POFUT3: variants seen among roughly 807,000 people sequenced by gnomAD.
POFUT3 encodes protein O-fucosyltransferase 3.
the POFUT3 span, chr8:33,372,809 A>C: frequency 6.2e-7 from 1 of 1,611,798 alleles, no homozygotes; most frequent in Non-Finnish European, 8.5e-7. Context: ...TAAGCCCTGC[A>C]GGAAGAGAAA....
chr8:33,318,524 T>C, the POFUT3 span, among the ~76,000 whole-genome samples: 1 of 123,256 alleles, frequency 8.1e-6, no homozygotes, highest in Non-Finnish European at 1.6e-5. Context: ...ATGATTATAA[T>C]AATCATAATA....
At chr8:33,361,469 T>A in the POFUT3 span, 1 of 152,226 alleles carries the variant, frequency 6.6e-6, no homozygotes, top group South Asian at 2.1e-4. Flanking sequence ...ATTTCATGTT[T>A]CAAATAGAGT....
the POFUT3 span, chr8:33,436,172 G>C: frequency 2.4e-6 from 3 of 1,236,134 alleles, no homozygotes; most frequent in Admixed American, 2.3e-5. Flanking sequence ...AAGGTCCACG[G>C]TTCCTAAGGG....
the POFUT3 span, among the ~76,000 whole-genome samples, chr8:33,328,190 G>A: frequency 3.3e-5 from 5 of 152,080 alleles, no homozygotes; most frequent in African/African-American, 1.2e-4. Flanking sequence ...CAGGCTGTCC[G>A]AGGAGGGGTG....
At chr8:33,432,752 C>T in the POFUT3 span, among the ~76,000 whole-genome samples, 1 of 152,054 alleles carries the variant, frequency 6.6e-6, no homozygotes, top group African/African-American at 2.4e-5. Flanking sequence ...AATGTGCAAC[C>T]AAATAGAAAT....
chr8:33,379,295 G>A, the POFUT3 span, among the ~76,000 whole-genome samples: 5 of 151,288 alleles, frequency 3.3e-5, no homozygotes, highest in African/African-American at 9.7e-5. Flanking sequence ...CCCAACCCAC[G>A]CACATTAACA....
the POFUT3 span, among the ~76,000 whole-genome samples, chr8:33,350,100 G>T: frequency 6.6e-6 from 1 of 152,086 alleles, no homozygotes; most frequent in East Asian, 1.9e-4. Flanking sequence ...CTTTGTTTGA[G>T]AATTGTCTAT....
At chr8:33,468,290 T>C in the POFUT3 span, among the ~76,000 whole-genome samples, 1 of 150,302 alleles carries the variant, frequency 6.7e-6, no homozygotes, top group Admixed American at 6.6e-5. Flanking sequence ...GTAGTTTGTG[T>C]GCCCCTCCTC....
chr8:33,315,455 G>A, the POFUT3 span, among the ~76,000 whole-genome samples: 8 of 152,142 alleles, frequency 5.3e-5, no homozygotes, highest in Admixed American at 2.0e-4. Context: ...GTAGTTCTTT[G>A]TGACATTATG....
chr8:33,344,909 T>C, the POFUT3 span, among the ~76,000 whole-genome samples: 3 of 152,238 alleles, frequency 2.0e-5, no homozygotes, highest in African/African-American at 7.2e-5. Flanking sequence ...TAATTTCATT[T>C]ATGGCTTGAT....
At chr8:33,429,533 T>C in the POFUT3 span, among the ~76,000 whole-genome samples, 7 of 152,048 alleles carry the variant, frequency 4.6e-5, no homozygotes, top group Admixed American at 2.0e-4. Flanking sequence ...ACAAAGAAGA[T>C]ATGTACTTTC....
the POFUT3 span, among the ~76,000 whole-genome samples, chr8:33,356,442 ATG>A: frequency 1.4e-4 from 21 of 151,492 alleles, 1 homozygote; most frequent in Non-Finnish European, 1.5e-5. Context: ...GCATTTTTTC[ATG>A]TGTTTTTTGG....
the POFUT3 span, chr8:33,389,262 A>G: frequency 1.2e-6 from 2 of 1,614,180 alleles, no homozygotes; most frequent in Non-Finnish European, 8.5e-7. Flanking sequence ...GATCCGTAAT[A>G]TACAGGGACT....
the POFUT3 span, among the ~76,000 whole-genome samples, chr8:33,323,932 T>C: frequency 2.0e-5 from 3 of 152,132 alleles, no homozygotes; most frequent in Non-Finnish European, 4.4e-5. Context: ...AACTCAGAAA[T>C]ATACAATGAC....
At chr8:33,348,863 G>A in the POFUT3 span, among the ~76,000 whole-genome samples, 6 of 152,090 alleles carry the variant, frequency 3.9e-5, no homozygotes, top group South Asian at 1.2e-3. Context: ...TCAGACAAGG[G>A]CTATATCAGA....
the POFUT3 span, among the ~76,000 whole-genome samples, chr8:33,392,623 C>G: frequency 2.0e-5 from 3 of 151,792 alleles, no homozygotes; most frequent in African/African-American, 7.3e-5. Context: ...GTCATTTTGC[C>G]CTGCAAGCAT....
the POFUT3 span, among the ~76,000 whole-genome samples, chr8:33,451,466 ATATG>A: frequency 2.0e-5 from 3 of 151,784 alleles, no homozygotes; most frequent in Non-Finnish European, 2.9e-5. Flanking sequence ...ATGTGTATGT[ATATG>A]TGTGTGTATA....
the POFUT3 span, among the ~76,000 whole-genome samples, chr8:33,365,733 G>A: frequency 2.7e-5 from 4 of 150,406 alleles, no homozygotes; most frequent in East Asian, 1.9e-4. Context: ...TTAGAATGGC[G>A]ATCATTAAAA....
At chr8:33,367,711 A>C in the POFUT3 span, among the ~76,000 whole-genome samples, 2 of 152,126 alleles carry the variant, frequency 1.3e-5, no homozygotes, top group African/African-American at 4.8e-5. Context: ...TTCTTATGTA[A>C]AACTGGCTTT....
Sources: allele counts gnomAD v4.1 joint callset (sites outside exome capture counted in the v4.1 genomes callset), GRCh38; gene constraint gnomAD v4.1.1; transcripts MANE v1.5; gene names NCBI Gene and HGNC (gene_info 2026-07-23, HGNC 2026-07-21).